The following ALG8 variants were observed in gnomAD, a reference collection of about 807,000 sequenced individuals.
The protein encoded by ALG8 is dolichyl pyrophosphate Glc1Man9GlcNAc2 alpha-1,3-glucosyltransferase.
Under a neutral mutation model 70.2 loss-of-function variants are expected in ALG8, and 48 were observed. The observed-to-expected ratio is 0.68, with a 90% CI of 0.54 to 0.87. The LOEUF (loss-of-function observed/expected upper bound fraction) is 0.87. Among genes scored for constraint, ALG8 ranks in the 40% least tolerant of loss-of-function variants. The pLI, the probability that ALG8 is intolerant of heterozygous loss-of-function variation, is 0.00. For missense variants in ALG8, 572 were observed against 608.7 expected (o/e 0.94, Z 0.64); for synonymous variants, 234 against 229.0 (o/e 1.02, Z -0.20).
In ALG8 at chr11:78,118,603, G is replaced by A. The variant is rs137955055; in HGVS notation, c.546+579C>T. On this transcript the variant is annotated intron_variant, in intron 5 of 12. Coordinates refer to ENST00000299626, the MANE Select transcript of ALG8 (RefSeq NM_024079.5). ...CGCACTCCAGCCTGGGCGATAGAGC[G>A]AGACTCATTCTCAAAAAAAAAAAAA... Among the ~76,000 whole-genome samples the A allele has an allele frequency of 3.6e-4, 43 of 119,238 alleles. No individual in the cohort carries two copies. In the East Asian group the frequency reaches 9.4e-3, roughly 26 times the overall value. 78.2% of individuals were successfully genotyped at this position (119,238 alleles called of 152,430 possible). A position where few individuals can be genotyped will look rare whatever the true frequency, so the allele number is the denominator to read the frequency against.
chr11:78,130,002 C>G (rs568958448), intron 1 of ALG8, among the ~76,000 whole-genome samples: 2 of 151,596 alleles, frequency 1.3e-5, no homozygotes, highest in South Asian at 4.2e-4. Context: ...CAAAAACAAA[C>G]AAAAAAAACC....
intron 1 of ALG8, among the ~76,000 whole-genome samples, chr11:78,132,979 C>T (rs533601509): frequency 1.1e-4 from 17 of 151,808 alleles, no homozygotes; most frequent in Admixed American, 2.6e-4. Context: ...TGGGACTACA[C>T]GCGCCCACCA....
At chr11:78,111,665 G>A (rs927222336) in intron 8 of ALG8, among the ~76,000 whole-genome samples, 1 of 152,146 alleles carries the variant, frequency 6.6e-6, no homozygotes, top group African/African-American at 2.4e-5. Flanking sequence ...CACACTGTGT[G>A]TGGCCTGCAT....
At chr11:78,121,571 G>GA (rs1860827431) in intron 3 of ALG8, among the ~76,000 whole-genome samples, 1 of 145,712 alleles carries the variant, frequency 6.9e-6, no homozygotes, top group Admixed American at 6.8e-5. Context: ...AAAAAAAAAA[G>GA]AAAAAATGGT....
chr11:78,108,929 T>A (rs1037048201), intron 9 of ALG8, among the ~76,000 whole-genome samples: 2 of 152,328 alleles, frequency 1.3e-5, no homozygotes, highest in East Asian at 3.9e-4. Flanking sequence ...GAAATTAAAG[T>A]TTCTAAAGTA....
In ALG8 at chr11:78,126,595, T is replaced by TGA. The variant is rs542045775; in HGVS notation, c.174+761_174+762dup. Among the ~76,000 whole-genome samples the TGA allele has an allele frequency of 3.5e-3, 535 of 150,974 alleles. 1 individual carries two copies. Among genetic ancestry groups the TGA allele is most frequent in the Non-Finnish European group, 6.1e-3 (414 of 67,636 alleles). The stretch of plus-strand genomic sequence containing the variant: ...ACAGACATAGTTTTTATAAACAATA[T>TGA]GAGAGAATGGTTTGTATATTACCTG... On this transcript the variant is annotated intron_variant, in intron 2 of 12. Transcript: ENST00000299626.
At chr11:78,137,470 C>T (rs1221686822) in intron 1 of ALG8, 1 of 152,226 alleles carries the variant, frequency 6.6e-6, no homozygotes, top group Non-Finnish European at 1.5e-5. Context: ...CACAATGGGC[C>T]TAGCTTTCAG....
intron 8 of ALG8, 23 bp from the exon 9 acceptor site, chr11:78,109,604 TG>T: frequency 6.2e-7 from 1 of 1,603,862 alleles, no homozygotes; most frequent in African/African-American, 1.3e-5. Flanking sequence ...TATTTTGTTT[TG>T]TTTTATTTTT....
At chr11:78,102,255 T>G (rs568107738) in intron 12 of ALG8, among the ~76,000 whole-genome samples, 2 of 152,300 alleles carry the variant, frequency 1.3e-5, no homozygotes, top group Admixed American at 1.3e-4. Flanking sequence ...CCTCAACCTC[T>G]AATCTACTTT....
chr11:78,134,327 G>A (rs902221280), intron 1 of ALG8, among the ~76,000 whole-genome samples: 1 of 152,094 alleles, frequency 6.6e-6, no homozygotes. Context: ...TAGTAGAGAC[G>A]GGGTTTCCCC....
rs866672190 is a variant in ALG8 at position 78,127,428 on chromosome 11, G to A, written c.104C>T (p.Thr35Ile). Residue 35 changes from threonine (T) to isoleucine (I), a missense_variant, in exon 2 of 13, where the codon ACA (threonine) becomes ATA (isoleucine). Thr to Ile is a moderately conservative substitution (Grantham distance 89). Coordinates refer to ENST00000299626, the MANE Select transcript of ALG8 (RefSeq NM_024079.5). ...CCAGTTTCGGTGTACTTCAAAATCT[G>A]TGGAATGGCTACTCAAAACAATTAG... The part of the protein sequence containing the change: ...KCLLIPTYHS[T>I]DFEVHRNWLA... 1 of 1,613,546 alleles carries A rather than the reference G, an allele frequency of 6.2e-7. No individual in the cohort carries two copies. Among genetic ancestry groups the A allele is most frequent in the Middle Eastern group, 1.6e-4 (1 of 6,062 alleles).
At chr11:78,131,947 T>C (rs1015186173) in intron 1 of ALG8, among the ~76,000 whole-genome samples, 3 of 152,234 alleles carry the variant, frequency 2.0e-5, no homozygotes, top group African/African-American at 7.2e-5. Context: ...CTCTGCCCTC[T>C]GGATAAAATC....
chr11:78,124,292 A>T, intron 2 of ALG8, 78 bp from the exon 3 acceptor site: 2 of 1,466,508 alleles, frequency 1.4e-6, no homozygotes, highest in South Asian at 1.1e-5. Flanking sequence ...AAAATTTTTC[A>T]TTCTCTGGTC....
intron 12 of ALG8, 130 bp from the exon 13 acceptor site, chr11:78,101,325 G>C (rs778438777): frequency 6.1e-5 from 49 of 804,968 alleles, no homozygotes; most frequent in Non-Finnish European, 8.4e-5. Context: ...AGAGTCAAGA[G>C]TATATTAAAT....
chr11:78,138,504 G>A (rs190801701), intron 1 of ALG8, among the ~76,000 whole-genome samples: 6 of 151,962 alleles, frequency 3.9e-5, no homozygotes, highest in Non-Finnish European at 7.4e-5. Flanking sequence ...TTACATATAC[G>A]CATCAGTATG....
At chr11:78,111,786 T>C (rs142689161) in intron 8 of ALG8, among the ~76,000 whole-genome samples, 2,031 of 152,334 alleles carry the variant, frequency 0.013, 50 homozygotes, top group African/African-American at 0.045. Flanking sequence ...GACTGTGTTA[T>C]CCAGAGTGAG....
At chr11:78,116,114 C>G (rs1860550959) in intron 5 of ALG8, among the ~76,000 whole-genome samples, 1 of 152,110 alleles carries the variant, frequency 6.6e-6, no homozygotes, top group African/African-American at 2.4e-5. Flanking sequence ...AATCCCAGCA[C>G]TTTGGGAGAC....
chr11:78,125,737 G>T lies in ALG8; in HGVS notation c.175-1523C>A, dbSNP rs1056569104. Among the ~76,000 whole-genome samples, 23 of 152,188 alleles carry T rather than the reference G, an allele frequency of 1.5e-4. 2 individuals are homozygous for T. Among genetic ancestry groups the T allele is most frequent in the Admixed American group, 1.2e-3 (18 of 15,270 alleles). On this transcript the variant is annotated intron_variant, in intron 2 of 12. Transcript: ENST00000299626. ...GCAGGAGAATCACTTGAACCCAGGA[G>T]GCAGAGGTCGCCAGTCAGCCGAGAT...
chr11:78,107,839 CAAAAA>C (rs59453362), intron 9 of ALG8: 3 of 77,498 alleles, frequency 3.9e-5, no homozygotes, highest in Admixed American at 1.5e-4. Flanking sequence ...GAGACTGTCT[CAAAAA>C]AAAAAAAAAA....
Sources: allele counts gnomAD v4.1 joint callset (sites outside exome capture counted in the v4.1 genomes callset), GRCh38; gene constraint gnomAD v4.1.1; transcripts MANE v1.5; gene names NCBI Gene and HGNC (gene_info 2026-07-23, HGNC 2026-07-21).